Variants in EBAG9 observed in about 807,000 individuals in gnomAD.
The protein encoded by EBAG9 is estrogen receptor binding site associated antigen 9, also known as receptor-binding cancer antigen expressed on SiSo cells.
In EBAG9, 16 loss-of-function variants were observed where a neutral mutation model predicts 30.9. The observed-to-expected ratio is 0.52, with a 90% confidence interval of 0.35 to 0.79. The LOEUF is 0.79. Ranked by LOEUF, EBAG9 falls within the 30% of genes least tolerant of loss-of-function variation. The pLI, the probability that EBAG9 is intolerant of heterozygous loss-of-function variation, is 0.01. For synonymous variants in EBAG9, 93 were observed against 82.8 expected (o/e 1.12, Z -0.67); for missense variants, 197 against 242.1 (o/e 0.81, Z 1.24).
At chr8:109,562,760 T>G (rs1419663706) in intron 6 of EBAG9, among the ~76,000 whole-genome samples, 2 of 151,936 alleles carry the variant, frequency 1.3e-5, no homozygotes, top group Non-Finnish European at 2.9e-5. Context: ...TTGAAATTTT[T>G]GAGAGTTTAG....
Position 109,554,733 on chromosome 8 carries a change from A to C in EBAG9, c.167A>C (p.Asp56Ala), listed in dbSNP as rs768219253. ...ATGTTGATCAATTAAATTTAGACAG[A>C]TGTTGAAGAGTGGACTTCCTGGGAT... ...VDYSSVPKQT[D>A]VEEWTSWDED... Residue 56 changes from aspartate (D) to alanine (A), a missense_variant, in exon 4 of 7, where the codon GAT becomes GCT. Coordinates refer to ENST00000337573, the MANE Select transcript of EBAG9 (RefSeq NM_004215.5). 6.2e-7 allele frequency: 1 copy of C among 1,612,974 alleles called. No individual in the cohort carries two copies. The highest frequency in any genetic ancestry group is 2.2e-5 in the East Asian group (1 of 44,854).
intron 1 of EBAG9, among the ~76,000 whole-genome samples, chr8:109,548,087 G>GT (rs529789371): frequency 6.7e-5 from 10 of 149,800 alleles, no homozygotes; most frequent in African/African-American, 9.8e-5. Flanking sequence ...AAGTTGTGTT[G>GT]TTTTTTTTTC....
chr8:109,554,632 C>A, intron 3 of EBAG9, 97 bp from the exon 4 acceptor site: 1 of 1,246,886 alleles, frequency 8.0e-7, no homozygotes, highest in Non-Finnish European at 1.1e-6. Flanking sequence ...AGTTTGAAAA[C>A]CAGTGTTTTA....
In EBAG9 at chr8:109,554,833, A is replaced by G. The variant is rs367669620; in HGVS notation, c.267A>G (p.Gln89=). 3.0e-5 allele frequency: 49 copies of G among 1,613,770 alleles called. No individual in the cohort carries two copies. The highest frequency in any genetic ancestry group is 4.1e-5 in the Non-Finnish European group (48 of 1,179,836). Residue 89 remains glutamine, a synonymous_variant, in exon 4 of 7, where the codon CAA becomes CAG. Transcript: ENST00000337573. ...NVATQQNSLE[Q]LEPDYFKDMT... is the part of the protein sequence containing the mutation. ...CAACACAACAAAATTCTTTGGAACA[A>G]CTGGAACCTGACTATTTTAAGGACA...
Position 109,563,655 on chromosome 8 carries a change from T to G in EBAG9, c.522-784T>G, listed in dbSNP as rs1013928028. 5.7e-6 allele frequency: 6 copies of G among 1,049,926 alleles called. No individual in the cohort carries two copies. In the African/African-American group the frequency reaches 8.1e-5, roughly 14 times the overall value. 65.0% of individuals were successfully genotyped at this position (1,049,926 alleles called of 1,614,324 possible). The stretch of plus-strand genomic sequence containing the variant: ...GGTTTGTTACACAGGTAAACATGTG[T>G]CAAGGGGGTTTGTCGTACAGATATT... On this transcript the variant is annotated intron_variant, in intron 6 of 6. Coordinates refer to ENST00000337573, the MANE Select transcript of EBAG9 (RefSeq NM_004215.5).
intron 6 of EBAG9, among the ~76,000 whole-genome samples, chr8:109,561,215 T>C (rs891939092): frequency 6.7e-6 from 1 of 148,876 alleles, no homozygotes; most frequent in Non-Finnish European, 1.5e-5. Flanking sequence ...TATATATGTT[T>C]TATATATATA....
At chr8:109,549,279 A>G (rs1055085796) in intron 1 of EBAG9, among the ~76,000 whole-genome samples, 1 of 151,960 alleles carries the variant, frequency 6.6e-6, no homozygotes, top group Non-Finnish European at 1.5e-5. Context: ...ATCCATTTAT[A>G]TATTGTTGGA....
At chr8:109,564,378 AATTT>A in intron 6 of EBAG9, 57 bp from the exon 7 acceptor site, 1 of 1,579,756 alleles carries the variant, frequency 6.3e-7, no homozygotes, top group Non-Finnish European at 8.6e-7. Flanking sequence ...TTCTTTCTAG[AATTT>A]ATTTGCCATT....
In EBAG9 at chr8:109,564,656, TG is replaced by T; in HGVS notation, c.*98del. The T allele has an allele frequency of 6.6e-7, 1 of 1,516,130 alleles. No homozygotes were observed. The highest frequency in any genetic ancestry group is 8.9e-7 in the Non-Finnish European group (1 of 1,119,460). The allele number at this position is 1,516,130 out of a possible 1,614,324, so 93.9% of individuals were successfully genotyped here. Reference sequence around the variant, plus strand: ...TTAAGAGTATTTTAAGAAGACATACTGCTTGATTTTAATACATTGATCAGGC... The same window carrying T: ...TTAAGAGTATTTTAAGAAGACATACTCTTGATTTTAATACATTGATCAGGC... On this transcript the variant is annotated 3_prime_UTR_variant, in exon 7 of 7. Transcript: ENST00000337573.
At chr8:109,561,115 A>G (rs1184617587) in intron 6 of EBAG9, among the ~76,000 whole-genome samples, 186 bp downstream of exon 6, 3 of 151,840 alleles carry the variant, frequency 2.0e-5, no homozygotes. Flanking sequence ...AAAACCTCAC[A>G]GAAACCAAGA....
chr8:109,562,921 A>C (rs1263778176), intron 6 of EBAG9, among the ~76,000 whole-genome samples: 1 of 151,944 alleles, frequency 6.6e-6, no homozygotes, highest in South Asian at 2.1e-4. Context: ...TGTATTTGGG[A>C]TGCTCAGCCC....
At chr8:109,551,398 A>G (rs1398578302) in intron 2 of EBAG9, among the ~76,000 whole-genome samples, 3 of 151,996 alleles carry the variant, frequency 2.0e-5, no homozygotes, top group South Asian at 2.1e-4. Context: ...CAGGTAAGTC[A>G]TTTGCTTTAG....
intron 2 of EBAG9, among the ~76,000 whole-genome samples, chr8:109,553,423 A>G (rs1039759549): frequency 6.6e-6 from 1 of 152,172 alleles, no homozygotes; most frequent in Non-Finnish European, 1.5e-5. Flanking sequence ...TTTGGTTCAA[A>G]CTAGTGATTT....
At chr8:109,559,382 C>G (rs1457436049) in intron 5 of EBAG9, among the ~76,000 whole-genome samples, 1 of 152,118 alleles carries the variant, frequency 6.6e-6, no homozygotes, top group African/African-American at 2.4e-5. Flanking sequence ...TGCTTGAACC[C>G]AAGAGGTCGA....
rs749241366 is a variant in EBAG9, at chr8:109,560,856, G to A, written c.448G>A (p.Asp150Asn). ...ATTGTAGTCTGAATTAGGTGACTTA[G>A]ATACCTGGCAGGAAAATACCAATGC... The part of the protein sequence containing the change: ...IHQSSELGDL[D>N]TWQENTNAWE... Residue 150 changes from aspartate (D) to asparagine (N), a missense_variant, in exon 6 of 7, where the codon GAT (aspartate) becomes AAT (asparagine). Transcript: ENST00000337573. The A allele has an allele frequency of 6.2e-7, 1 of 1,612,780 alleles. No homozygotes were observed. Among genetic ancestry groups the A allele is most frequent in the Non-Finnish European group, 8.5e-7 (1 of 1,179,304 alleles).
chr8:109,557,650 A>G, intron 5 of EBAG9: 1 of 455,794 alleles, frequency 2.2e-6, no homozygotes, highest in South Asian at 1.5e-5. Context: ...ACAAATATTA[A>G]TGTAACACAG....
chr8:109,550,993 C>A, intron 2 of EBAG9, 86 bp downstream of exon 2: 1 of 827,424 alleles, frequency 1.2e-6, no homozygotes, highest in Non-Finnish European at 2.0e-6. Context: ...GTGGACAGGA[C>A]AGGTTATATT....
chr8:109,543,132 GTTCTTTTTTTTTTTTTTTT>G (rs1195078875), intron 1 of EBAG9, among the ~76,000 whole-genome samples: 2 of 60,238 alleles, frequency 3.3e-5, no homozygotes, highest in African/African-American at 9.8e-5. Flanking sequence ...TAATATTCTG[GTTCTTTTTTTTTTTTTTTT>G]TTTTTTTTTT....
chr8:109,555,966 C>CT (rs1821589960), intron 4 of EBAG9, among the ~76,000 whole-genome samples: 1 of 152,116 alleles, frequency 6.6e-6, no homozygotes, highest in Non-Finnish European at 1.5e-5. Flanking sequence ...GTCATCGTAT[C>CT]TATCTATATG....
Sources: gnomAD v4.1 joint callset for allele counts (sites outside exome capture counted in the v4.1 genomes callset) on GRCh38, gnomAD v4.1.1 for gene constraint, MANE v1.5 for transcripts, NCBI Gene and HGNC (gene_info 2026-07-23, HGNC 2026-07-21) for gene names.